Variants in TJP2 observed in about 807,000 individuals in gnomAD.
TJP2 encodes the protein Friedreich ataxia region gene X104 (tight junction protein ZO-2).
In TJP2, 91 loss-of-function variants were observed where a neutral mutation model predicts 133.1. The ratio of observed to expected loss-of-function variants is 0.68; its 90% CI spans 0.58 to 0.81. TJP2 has a LOEUF of 0.81. Among genes scored for constraint, TJP2 ranks in the 40% least tolerant of loss-of-function variants. The pLI, the probability that TJP2 is intolerant of heterozygous loss-of-function variation, is 0.00. For missense variants in TJP2, 1,541 were observed against 1,565.6 expected, an observed-to-expected ratio of 0.98 and a Z score of 0.26; for synonymous variants, 592 against 583.4, an observed-to-expected ratio of 1.01 and a Z score of -0.21.
At position 69,174,356 on chromosome 9, in the gene TJP2, C is replaced by T. The variant is rs1199837826; in HGVS notation, c.-17C>T. ...CGGGGTCCGGAGCTGCGCGCCTACGCGGGACCTGTGTCCGAAATGCCGGTG... is the reference window on the plus strand; with the variant it reads ...CGGGGTCCGGAGCTGCGCGCCTACGTGGGACCTGTGTCCGAAATGCCGGTG... On this transcript the variant is annotated 5_prime_UTR_variant, in exon 1 of 23. Coordinates refer to ENST00000377245, the MANE Select transcript of TJP2 (RefSeq NM_004817.4). The T allele has an allele frequency of 1.9e-6, 3 of 1,551,488 alleles. No homozygotes were observed. The highest frequency in any genetic ancestry group is 2.6e-6 in the Non-Finnish European group (3 of 1,146,952).
At chr9:69,210,810 C>T (rs542915670) in intron 1 of TJP2, among the ~76,000 whole-genome samples, 9 of 143,984 alleles carry the variant, frequency 6.3e-5, no homozygotes, top group African/African-American at 2.3e-4. Flanking sequence ...TCAGGTTGGT[C>T]GTAAACTCCT....
chr9:69,231,743 A>G (rs1829800670), intron 11 of TJP2, among the ~76,000 whole-genome samples: 1 of 152,128 alleles, frequency 6.6e-6, no homozygotes, highest in South Asian at 2.1e-4. Context: ...CAGGATCTAG[A>G]AGACTATGTA....
chr9:69,249,270 A>G (rs1399762565), intron 19 of TJP2, 105 bp from the exon 20 acceptor site: 9 of 1,535,176 alleles, frequency 5.9e-6, no homozygotes, highest in African/African-American at 4.1e-5. Flanking sequence ...TCAGAACCTC[A>G]ACTTCTGGAC....
At chr9:69,248,286 G>A (rs910422707) in intron 19 of TJP2, 62 bp downstream of exon 19, 1 of 1,530,222 alleles carries the variant, frequency 6.5e-7, no homozygotes, top group Non-Finnish European at 8.8e-7. Context: ...GCACTCTCGT[G>A]GACAGCTGTG....
In TJP2 at chr9:69,185,596, T is replaced by C. The variant is rs571641634; in HGVS notation, c.60+11164T>C. 8.5e-5 allele frequency among the ~76,000 whole-genome samples: 13 copies of C among 152,330 alleles called. No individual in the cohort carries two copies. The South Asian group carries it at 2.7e-3, about 32-fold the overall frequency. ...TGACTTAATTCTAAGAGTTGCTGCTTTAATGTATAATTTTATGGAACCTAA... is the reference window on the plus strand; with the variant it reads ...TGACTTAATTCTAAGAGTTGCTGCTCTAATGTATAATTTTATGGAACCTAA... On this transcript the variant is annotated intron_variant, in intron 1 of 22. Transcript: ENST00000377245.
intron 1 of TJP2, among the ~76,000 whole-genome samples, chr9:69,136,906 T>C (rs1822756579): frequency 6.6e-6 from 1 of 152,036 alleles, no homozygotes; most frequent in African/African-American, 2.4e-5. Context: ...AGGGAAGAGG[T>C]TGGGGGTGTG....
intron 1 of TJP2, among the ~76,000 whole-genome samples, chr9:69,194,007 A>G (rs917220328): frequency 2.6e-5 from 4 of 152,202 alleles, no homozygotes; most frequent in Non-Finnish European, 5.9e-5. Context: ...AGTTGAAACC[A>G]TAAATTGTAA....
intron 1 of TJP2, among the ~76,000 whole-genome samples, chr9:69,202,333 T>C (rs1827053029): frequency 1.3e-5 from 2 of 152,018 alleles, no homozygotes; most frequent in South Asian, 4.2e-4. Context: ...TCCTAAAAGC[T>C]CCTCCCCTTA....
chr9:69,167,533 T>G (rs140617947), intron 2 of TJP2, among the ~76,000 whole-genome samples: 15 of 152,292 alleles, frequency 9.8e-5, no homozygotes, highest in African/African-American at 3.6e-4. Context: ...TAAATAGCCT[T>G]ACACCTTAAG....
At chr9:69,244,184 GAA>G (rs35047206) in intron 17 of TJP2, among the ~76,000 whole-genome samples, 51 of 58,348 alleles carry the variant, frequency 8.7e-4, no homozygotes, top group African/African-American at 1.4e-3. Flanking sequence ...CCTGTCTCAG[GAA>G]AAAAAAAAAA....
At chr9:69,133,892 A>T (rs920567596) in intron 1 of TJP2, among the ~76,000 whole-genome samples, 1 of 151,980 alleles carries the variant, frequency 6.6e-6, no homozygotes, top group Non-Finnish European at 1.5e-5. Flanking sequence ...CTTTACCTGG[A>T]TGCCCCAGAT....
chr9:69,232,863 G>A (rs74520741), intron 11 of TJP2, among the ~76,000 whole-genome samples: 1,625 of 152,184 alleles, frequency 0.011, 17 homozygotes, highest in Non-Finnish European at 0.018. Flanking sequence ...CTTTAATTTT[G>A]ACCATTATAG....
intron 1 of TJP2, among the ~76,000 whole-genome samples, chr9:69,176,418 G>A (rs1825093433): frequency 6.6e-6 from 1 of 152,206 alleles, no homozygotes; most frequent in Non-Finnish European, 1.5e-5. Flanking sequence ...CAAGTAGGAG[G>A]TGCCAGGTAG....
chr9:69,133,209 G>T (rs7026653), intron 1 of TJP2, among the ~76,000 whole-genome samples: 70,308 of 151,740 alleles, frequency 0.46, 16,375 homozygotes, highest in East Asian at 0.63. Context: ...CAACCCTCCT[G>T]CCTCGGCCTC....
chr9:69,246,636 TAATAA>T, intron 17 of TJP2, 49 bp from the exon 18 acceptor site: 1 of 1,455,218 alleles, frequency 6.9e-7, no homozygotes, highest in Non-Finnish European at 9.7e-7. Flanking sequence ...ATAGCATCCT[TAATAA>T]ACATGCCTCT....
chr9:69,234,816 ATG>A (rs1830062266), intron 12 of TJP2, among the ~76,000 whole-genome samples: 1 of 152,172 alleles, frequency 6.6e-6, no homozygotes, highest in African/African-American at 2.4e-5. Context: ...ATGCAGCCTT[ATG>A]TTCTGCCTGG....
intron 4 of TJP2, 45 bp downstream of exon 4, chr9:69,218,404 T>C: frequency 1.3e-6 from 2 of 1,489,680 alleles, no homozygotes; most frequent in South Asian, 2.3e-5. Flanking sequence ...AGCATTTTGG[T>C]TTTTTGCCCA....
At chr9:69,249,973 A>C (rs1348168229) in intron 20 of TJP2, among the ~76,000 whole-genome samples, 1 of 152,236 alleles carries the variant, frequency 6.6e-6, no homozygotes, top group Non-Finnish European at 1.5e-5. Context: ...ATCATTATCC[A>C]GAGCAGAATC....
intron 22 of TJP2, chr9:69,253,653 A>G (rs1981222): frequency 0.56 from 99,477 of 176,528 alleles, 28,954 homozygotes; most frequent in Admixed American, 0.66. Context: ...GGGTTTCACC[A>G]TGTTGGCCAG....
Sources: gnomAD v4.1 joint callset for allele counts (sites outside exome capture counted in the v4.1 genomes callset) on GRCh38, gnomAD v4.1.1 for gene constraint, MANE v1.5 for transcripts, NCBI Gene and HGNC (gene_info 2026-07-23, HGNC 2026-07-21) for gene names.